The following ISM1 variants were observed in gnomAD, a reference collection of about 807,000 sequenced individuals.
The protein encoded by ISM1 is isthmin 1, also known as isthmin-1.
ISM1 carries 25 observed loss-of-function variants against 46.3 expected under a neutral mutation model. The observed-to-expected ratio is 0.54, with a 90% CI of 0.39 to 0.75. ISM1 has a LOEUF of 0.75. ISM1 is among the 30% of genes least tolerant of loss of function. ISM1 has a pLI of 0.00. For missense variants in ISM1, 536 were observed against 625.4 expected, an observed-to-expected ratio of 0.86 and a Z score of 1.52; for synonymous variants, 255 against 256.7, an observed-to-expected ratio of 0.99 and a Z score of 0.06.
Position 13,285,233 on chromosome 20 carries a change from A to G in ISM1, c.644-3307A>G, listed in dbSNP as rs533395536. On this transcript the variant is annotated intron_variant, in intron 3 of 5. Coordinates refer to ENST00000262487, the MANE Select transcript of ISM1 (RefSeq NM_080826.2). ...TTGAGCCCAGGAATTCAGGGCTGCA[A>G]TGAGCCATGATGGTGCCACTGCACT... Among the ~76,000 whole-genome samples the G allele has an allele frequency of 1.8e-3, 275 of 152,258 alleles. 2 individuals carry two copies. The highest frequency in any genetic ancestry group is 8.7e-3 in the South Asian group (42 of 4,826).
chr20:13,264,576 C>T (rs1235212739), intron 1 of ISM1, among the ~76,000 whole-genome samples: 1 of 152,182 alleles, frequency 6.6e-6, no homozygotes, highest in Non-Finnish European at 1.5e-5. Flanking sequence ...ATTCATCTGC[C>T]TGTGTCAAAT....
chr20:13,238,451 T>G (rs768749035), intron 1 of ISM1, among the ~76,000 whole-genome samples: 4 of 152,180 alleles, frequency 2.6e-5, no homozygotes, highest in Non-Finnish European at 5.9e-5. Flanking sequence ...AAACATTTTT[T>G]TAAGGGTTGG....
At chr20:13,276,804 C>T (rs185294993) in intron 2 of ISM1, among the ~76,000 whole-genome samples, 8 of 152,282 alleles carry the variant, frequency 5.3e-5, no homozygotes, top group Non-Finnish European at 7.3e-5. Flanking sequence ...AACGAGCCCT[C>T]GCCATTGGAG....
At chr20:13,261,313 G>A (rs1192367481) in intron 1 of ISM1, among the ~76,000 whole-genome samples, 1 of 152,004 alleles carries the variant, frequency 6.6e-6, no homozygotes, top group African/African-American at 2.4e-5. Flanking sequence ...AGCTACTCTG[G>A]AGGCTGAGGC....
At chr20:13,253,524 C>T (rs2039890507) in intron 1 of ISM1, among the ~76,000 whole-genome samples, 1 of 152,208 alleles carries the variant, frequency 6.6e-6, no homozygotes, top group Non-Finnish European at 1.5e-5. Flanking sequence ...CTATCAGCCA[C>T]TGTTCCTCAC....
intron 5 of ISM1, among the ~76,000 whole-genome samples, chr20:13,295,905 G>A (rs2123329860): frequency 6.6e-6 from 1 of 152,318 alleles, no homozygotes. Flanking sequence ...TCCACAGCAG[G>A]TTCCCTTGTA....
At chr20:13,246,946 ATG>A (rs112838457) in intron 1 of ISM1, among the ~76,000 whole-genome samples, 5,523 of 152,116 alleles carry the variant, frequency 0.036, 171 homozygotes, top group African/African-American at 0.077. Flanking sequence ...AAATATATAT[ATG>A]TATAGTGCCG....
At chr20:13,280,030 G>T in intron 3 of ISM1, 132 bp downstream of exon 3, 2 of 830,718 alleles carry the variant, frequency 2.4e-6, no homozygotes, top group Non-Finnish European at 3.7e-6. Context: ...CCTCACAAAG[G>T]CTGTCTTCCG....
At chr20:13,291,181 G>A (rs2040349415) in intron 4 of ISM1, among the ~76,000 whole-genome samples, 1 of 152,202 alleles carries the variant, frequency 6.6e-6, no homozygotes, top group Non-Finnish European at 1.5e-5. Flanking sequence ...GCGGAGAGCA[G>A]TGTGGCCAGG....
At chr20:13,244,573 G>C (rs2039771822) in intron 1 of ISM1, among the ~76,000 whole-genome samples, 1 of 152,126 alleles carries the variant, frequency 6.6e-6, no homozygotes, top group South Asian at 2.1e-4. Context: ...ACATATTAAA[G>C]ATACTTATTT....
At chr20:13,309,825 G>C in the ISM1 span, among the ~76,000 whole-genome samples, 53 of 150,380 alleles carry the variant, frequency 3.5e-4, no homozygotes, top group Middle Eastern at 0.014. Context: ...AAGAAATCAA[G>C]AAAACATTCT....
intron 1 of ISM1, among the ~76,000 whole-genome samples, chr20:13,240,589 T>C (rs960030219): frequency 6.6e-6 from 1 of 152,200 alleles, no homozygotes; most frequent in Non-Finnish European, 1.5e-5. Flanking sequence ...AGCAAGGATT[T>C]TGCAGGTCAT....
intron 2 of ISM1, among the ~76,000 whole-genome samples, chr20:13,279,409 G>A (rs2040213704): frequency 6.6e-6 from 1 of 152,166 alleles, no homozygotes; most frequent in South Asian, 2.1e-4. Context: ...GGACTCTAGT[G>A]ATGAATTTTC....
At chr20:13,304,381 C>T (rs192817032), downstream of ISM1, among the ~76,000 whole-genome samples, 49 of 152,254 alleles carry the variant, frequency 3.2e-4, no homozygotes, top group African/African-American at 1.1e-3. Flanking sequence ...TTCTCACTCC[C>T]CCACTGTCTT....
At chr20:13,256,390 C>T (rs540124233) in intron 1 of ISM1, among the ~76,000 whole-genome samples, 8 of 128,854 alleles carry the variant, frequency 6.2e-5, no homozygotes, top group Admixed American at 5.5e-4. Flanking sequence ...AGTGAGACCC[C>T]GTCTCAAAAA....
chr20:13,303,204 A>C (rs1286124151), downstream of ISM1, among the ~76,000 whole-genome samples: 6 of 152,184 alleles, frequency 3.9e-5, no homozygotes, highest in Non-Finnish European at 7.4e-5. Context: ...CAGGCTCTTA[A>C]ACCTAACGCC....
intron 4 of ISM1, among the ~76,000 whole-genome samples, chr20:13,291,319 TCTTTA>T (rs1367998265): frequency 1.3e-5 from 2 of 152,306 alleles, no homozygotes; most frequent in East Asian, 3.9e-4. Flanking sequence ...TTTAAGGATC[TCTTTA>T]CTTGTTTGAT....
rs1316056357 is a variant in ISM1 at position 13,292,319 on chromosome 20, G to A, written c.788-55G>A. ...ATTTATTTTTTTATTGTTGGGGTGG[G>A]GGAGATAACTTTTTCCATGTAATGA... On this transcript the variant is annotated intron_variant, in intron 4 of 5. Transcript: ENST00000262487. 4.8e-6 allele frequency: 5 copies of A among 1,049,800 alleles called. No individual in the cohort carries two copies. The East Asian group carries it at 1.3e-4, about 27-fold the overall frequency. 65.0% of individuals were successfully genotyped at this position (1,049,800 alleles called of 1,614,324 possible). A position where few individuals can be genotyped will look rare whatever the true frequency, so the allele number is the denominator to read the frequency against.
At chr20:13,233,164 AT>A (rs753392288) in intron 1 of ISM1, among the ~76,000 whole-genome samples, 6 of 152,188 alleles carry the variant, frequency 3.9e-5, no homozygotes, top group Non-Finnish European at 8.8e-5. Flanking sequence ...CCAGAAATAG[AT>A]TTCGTATCTC....
Sources: allele counts gnomAD v4.1 joint callset (sites outside exome capture counted in the v4.1 genomes callset), GRCh38; gene constraint gnomAD v4.1.1; transcripts MANE v1.5; gene names NCBI Gene and HGNC (gene_info 2026-07-23, HGNC 2026-07-21).